The following RERE variants were observed in gnomAD, a reference collection of about 807,000 sequenced individuals.
The protein encoded by RERE is arginine-glutamic acid dipeptide repeats.
A neutral mutation model predicts 146.1 loss-of-function variants in RERE; 40 were observed. That is an observed-to-expected ratio of 0.27 (90% CI 0.21 to 0.36). RERE has a LOEUF of 0.36. Ranked by LOEUF, RERE falls within the 10% of genes least tolerant of loss-of-function variation. The pLI is 1.00. For missense variants in RERE, 1,933 were observed against 2,138.7 expected, an observed-to-expected ratio of 0.90 and a Z score of 1.90; for synonymous variants, 1,003 against 866.0, an observed-to-expected ratio of 1.16 and a Z score of -2.78.
At chr1:8,794,760 A>C (rs1158004164) in intron 1 of RERE, among the ~76,000 whole-genome samples, 1 of 152,070 alleles carries the variant, frequency 6.6e-6, no homozygotes, top group Non-Finnish European at 1.5e-5. Context: ...AATAAAAAAA[A>C]AACTGGCCAG....
intron 4 of RERE, among the ~76,000 whole-genome samples, chr1:8,590,552 G>A (rs755709973): frequency 6.6e-6 from 1 of 152,044 alleles, no homozygotes; most frequent in Non-Finnish European, 1.5e-5. Context: ...AATGCAGTGC[G>A]GCCCACCGGT....
intron 1 of RERE, among the ~76,000 whole-genome samples, chr1:8,747,679 C>T (rs1036379696): frequency 5.3e-5 from 8 of 152,086 alleles, no homozygotes; most frequent in African/African-American, 4.8e-5. Context: ...ATATCCCATA[C>T]ACATTTTACC....
intron 1 of RERE, among the ~76,000 whole-genome samples, chr1:8,749,297 G>A (rs1640483028): frequency 6.6e-6 from 1 of 152,008 alleles, no homozygotes; most frequent in South Asian, 2.1e-4. Flanking sequence ...AATATTTCTT[G>A]GGAGTTTATT....
chr1:8,683,342 G>A (rs755192209), intron 1 of RERE, among the ~76,000 whole-genome samples: 4 of 151,972 alleles, frequency 2.6e-5, no homozygotes, highest in African/African-American at 9.7e-5. Context: ...TTCTCTGCTT[G>A]AGAATGGCAT....
At position 8,614,750 on chromosome 1, in the gene RERE, G is replaced by A. The variant is rs1235416483; in HGVS notation, c.397-64C>T. Reference sequence around the variant, plus strand: ...CCCCATCATGCCCTGGTTATTAGGGGCACGCAGCACACAAGTCGGTATCTG... The same window carrying A: ...CCCCATCATGCCCTGGTTATTAGGGACACGCAGCACACAAGTCGGTATCTG... On this transcript the variant is annotated intron_variant, in intron 3 of 22. Transcript: ENST00000400908. The A allele has an allele frequency of 2.0e-6, 3 of 1,525,860 alleles. No individual in the cohort carries two copies. In the Admixed American group the frequency reaches 6.2e-5, roughly 31 times the overall value. The allele number at this position is 1,525,860 out of a possible 1,614,324, so 94.5% of individuals were successfully genotyped here.
At chr1:8,380,474 G>C (rs952553343) in intron 12 of RERE, among the ~76,000 whole-genome samples, 1 of 151,850 alleles carries the variant, frequency 6.6e-6, no homozygotes, top group Non-Finnish European at 1.5e-5. Flanking sequence ...TCAACCTCCT[G>C]AGCAGCTGGA....
chr1:8,645,609 T>A (rs1647270508), intron 2 of RERE, among the ~76,000 whole-genome samples: 1 of 152,226 alleles, frequency 6.6e-6, no homozygotes. Context: ...GAATCTGAGA[T>A]TCTGCATTTC....
At chr1:8,524,444 A>G (rs1290098704) in intron 7 of RERE, among the ~76,000 whole-genome samples, 1 of 152,182 alleles carries the variant, frequency 6.6e-6, no homozygotes, top group Non-Finnish European at 1.5e-5. Flanking sequence ...TTGACCATGC[A>G]ACACTCCAAA....
At chr1:8,785,912 G>A (rs1641251546) in intron 1 of RERE, among the ~76,000 whole-genome samples, 1 of 152,086 alleles carries the variant, frequency 6.6e-6, no homozygotes, top group East Asian at 1.9e-4. Flanking sequence ...ATGAGCCATC[G>A]CGCTCGGCCT....
intron 7 of RERE, among the ~76,000 whole-genome samples, chr1:8,534,073 G>C (rs756829982): frequency 9.9e-5 from 15 of 152,210 alleles, no homozygotes; most frequent in Non-Finnish European, 1.6e-4. Context: ...AGCTCTAGCT[G>C]CTCATCTTCA....
chr1:8,643,988 A>G (rs926410279), intron 2 of RERE, among the ~76,000 whole-genome samples: 2 of 152,186 alleles, frequency 1.3e-5, no homozygotes, highest in Admixed American at 6.5e-5. Flanking sequence ...GTTGCACATG[A>G]ACCAGCATAA....
At chr1:8,564,870 GTATATATA>G (rs61426432) in intron 4 of RERE, among the ~76,000 whole-genome samples, 7 of 127,338 alleles carry the variant, frequency 5.5e-5, no homozygotes, top group African/African-American at 2.0e-4. Context: ...GTGTGTGTGT[GTATATATA>G]TATATAAAAC....
chr1:8,402,326 G>A (rs1453448576), intron 12 of RERE, among the ~76,000 whole-genome samples: 2 of 152,148 alleles, frequency 1.3e-5, no homozygotes, highest in African/African-American at 2.4e-5. Flanking sequence ...CAGCCAGGTG[G>A]CAGAAATGTG....
chr1:8,520,761 A>AAAAC (rs1443148148), intron 7 of RERE, among the ~76,000 whole-genome samples: 23 of 148,884 alleles, frequency 1.5e-4, no homozygotes, highest in African/African-American at 5.4e-4. Flanking sequence ...TTTTAAAAAA[A>AAAAC]AAAAAAAAAA....
chr1:8,524,473 G>T (rs1645546483), intron 7 of RERE, among the ~76,000 whole-genome samples: 1 of 152,126 alleles, frequency 6.6e-6, no homozygotes, highest in South Asian at 2.1e-4. Context: ...ACACCACTAA[G>T]AGCTTACACA....
chr1:8,380,820 A>C (rs1327260157), intron 12 of RERE: 4 of 456,628 alleles, frequency 8.8e-6, no homozygotes, highest in Non-Finnish European at 1.3e-5. Flanking sequence ...TGAAGGAACC[A>C]AAGTCAGGGC....
Position 8,444,651 on chromosome 1 carries a change from G to A in RERE, c.1203+21274C>T, listed in dbSNP as rs565458785. ...GCCTGGTGGAAGGTTACTGGATCAC[G>A]TGGGTGGATTTCTCATGAATGGTTT... is the stretch of plus-strand genomic sequence containing the variant. On this transcript the variant is annotated intron_variant, in intron 11 of 22. Coordinates refer to ENST00000400908, the MANE Select transcript of RERE (RefSeq NM_001042681.2). Among the ~76,000 whole-genome samples, 4 of 152,298 alleles carry A rather than the reference G, an allele frequency of 2.6e-5. No individual in the cohort carries two copies. In the South Asian group the frequency reaches 6.2e-4, roughly 24 times the overall value.
At chr1:8,535,344 A>C (rs1414655985) in intron 7 of RERE, among the ~76,000 whole-genome samples, 1 of 152,118 alleles carries the variant, frequency 6.6e-6, no homozygotes, top group Non-Finnish European at 1.5e-5. Flanking sequence ...ACACCGGCAA[A>C]ATTTGAATAG....
intron 1 of RERE, among the ~76,000 whole-genome samples, chr1:8,668,005 A>C (rs962942972): frequency 1.3e-5 from 2 of 152,240 alleles, no homozygotes; most frequent in African/African-American, 4.8e-5. Context: ...GAGAACTACA[A>C]AAATATCTCC....
Sources: gnomAD v4.1 joint callset for allele counts (sites outside exome capture counted in the v4.1 genomes callset) on GRCh38, gnomAD v4.1.1 for gene constraint, MANE v1.5 for transcripts, NCBI Gene and HGNC (gene_info 2026-07-23, HGNC 2026-07-21) for gene names.